The following PAK1 variants were observed in gnomAD, a reference collection of about 807,000 sequenced individuals.
PAK1 encodes the protein serine/threonine-protein kinase PAK 1.
In PAK1, 29 loss-of-function variants were observed where a neutral mutation model predicts 67.4. That is an observed-to-expected ratio of 0.43 (90% CI 0.32 to 0.59). The LOEUF (loss-of-function observed/expected upper bound fraction) is 0.59, where lower values mean the gene tolerates loss of function less well. PAK1 is among the 20% of genes least tolerant of loss of function. The pLI, the probability that PAK1 is intolerant of heterozygous loss-of-function variation, is 0.07. For synonymous variants in PAK1, 223 were observed against 237.4 expected (o/e 0.94, Z 0.56); for missense variants, 337 against 670.7 (o/e 0.50, Z 5.50).
chr11:77,356,986 G>C (rs1176862550), intron 6 of PAK1, among the ~76,000 whole-genome samples: 1 of 152,088 alleles, frequency 6.6e-6, no homozygotes, highest in Non-Finnish European at 1.5e-5. Context: ...ACAGTATAAG[G>C]ACAGGGAATG....
chr11:77,350,367 G>A (rs1945068415), intron 8 of PAK1, among the ~76,000 whole-genome samples: 1 of 152,136 alleles, frequency 6.6e-6, no homozygotes, highest in Non-Finnish European at 1.5e-5. Flanking sequence ...ACATATGTAT[G>A]TTAAGTATAT....
chr11:77,490,749 T>C, the PAK1 span, among the ~76,000 whole-genome samples: 1 of 152,182 alleles, frequency 6.6e-6, no homozygotes, highest in African/African-American at 2.4e-5. Context: ...TAGAAAGAAG[T>C]AGACATGGGA....
chr11:77,453,120 C>T (rs955181552), intron 1 of PAK1, among the ~76,000 whole-genome samples: 5 of 151,922 alleles, frequency 3.3e-5, no homozygotes, highest in African/African-American at 7.3e-5. Flanking sequence ...TTCAGGAGGC[C>T]GAGGCAAGCA....
chr11:77,463,684 T>C (rs910183834), intron 1 of PAK1, among the ~76,000 whole-genome samples: 13 of 152,234 alleles, frequency 8.5e-5, no homozygotes, highest in Admixed American at 2.0e-4. Flanking sequence ...ACTTTGGCAA[T>C]TACTGTCTCC....
the PAK1 span, among the ~76,000 whole-genome samples, chr11:77,508,113 C>A: frequency 1.3e-5 from 2 of 152,144 alleles, no homozygotes; most frequent in African/African-American, 4.8e-5. Context: ...GTATGTGTTA[C>A]TTTGTGTCTG....
chr11:77,515,687 T>A, the PAK1 span, among the ~76,000 whole-genome samples: 3 of 152,246 alleles, frequency 2.0e-5, no homozygotes, highest in African/African-American at 7.2e-5. Flanking sequence ...TGTCTCCTCC[T>A]TCAACATTTG....
chr11:77,451,752 C>T (rs1592525667), intron 1 of PAK1, among the ~76,000 whole-genome samples: 1 of 150,690 alleles, frequency 6.6e-6, no homozygotes, highest in South Asian at 2.1e-4. Flanking sequence ...GGCGCCACCA[C>T]CACGCCCGGC....
intron 8 of PAK1, 62 bp downstream of exon 8, chr11:77,353,474 A>C: frequency 8.1e-7 from 1 of 1,235,556 alleles, no homozygotes; most frequent in Non-Finnish European, 1.2e-6. Context: ...AAGCAAAATC[A>C]TATATGCCGG....
At chr11:77,351,012 T>C (rs1473149208) in intron 8 of PAK1, among the ~76,000 whole-genome samples, 1 of 152,158 alleles carries the variant, frequency 6.6e-6, no homozygotes, top group East Asian at 1.9e-4. Flanking sequence ...GGCCCACTGC[T>C]TAATACCTAT....
chr11:77,419,309 A>G (rs1409305469), intron 1 of PAK1, among the ~76,000 whole-genome samples: 3 of 152,210 alleles, frequency 2.0e-5, no homozygotes, highest in Non-Finnish European at 4.4e-5. Flanking sequence ...TTAGCAGTTA[A>G]CATGTTTTAA....
intron 1 of PAK1, among the ~76,000 whole-genome samples, chr11:77,434,264 TA>T (rs1956004448): frequency 1.3e-5 from 2 of 151,996 alleles, no homozygotes; most frequent in Admixed American, 6.5e-5. Flanking sequence ...AAGGAATAAA[TA>T]AAATGTGGCA....
At chr11:77,379,195 T>A (rs1949501163) in intron 4 of PAK1, 46 bp downstream of exon 4, 1 of 1,512,626 alleles carries the variant, frequency 6.6e-7, no homozygotes. Context: ...CCCACCCAGA[T>A]TAAAACCATC....
chr11:77,355,914 G>A, intron 6 of PAK1, 72 bp from the exon 7 acceptor site: 1 of 927,344 alleles, frequency 1.1e-6, no homozygotes. Flanking sequence ...TAGATGTGAG[G>A]TTAGAACATC....
At chr11:77,455,763 A>G (rs1957053583) in intron 1 of PAK1, 1 of 152,172 alleles carries the variant, frequency 6.6e-6, no homozygotes, top group Non-Finnish European at 1.5e-5. Flanking sequence ...CTTTCCTACC[A>G]TGTCTTTGCA....
the PAK1 span, among the ~76,000 whole-genome samples, chr11:77,485,774 C>G: frequency 6.6e-6 from 1 of 152,156 alleles, no homozygotes; most frequent in South Asian, 2.1e-4. Context: ...CATGCCTGGC[C>G]TAAACTTCTT....
At chr11:77,367,795 G>A (rs1947808836) in intron 5 of PAK1, among the ~76,000 whole-genome samples, 1 of 152,124 alleles carries the variant, frequency 6.6e-6, no homozygotes, top group Non-Finnish European at 1.5e-5. Flanking sequence ...TGGCCAACAT[G>A]GTGAAACCCC....
intron 1 of PAK1, among the ~76,000 whole-genome samples, chr11:77,414,606 TTAAC>T (rs765940216): frequency 5.9e-5 from 9 of 152,140 alleles, no homozygotes; most frequent in Non-Finnish European, 1.3e-4. Context: ...ACAAATGTGG[TTAAC>T]TGACTGTAAA....
chr11:77,343,257 C>A (rs1192372853), intron 10 of PAK1, among the ~76,000 whole-genome samples: 2 of 43,454 alleles, frequency 4.6e-5, no homozygotes, highest in African/African-American at 2.1e-4. Context: ...TTAATGCAAG[C>A]TTACGTAAAA....
chr11:77,525,560 G>A, the PAK1 span, among the ~76,000 whole-genome samples: 1 of 152,120 alleles, frequency 6.6e-6, no homozygotes, highest in Admixed American at 6.5e-5. Context: ...CATCATGAAT[G>A]ACATCACCTT....
Sources: gnomAD v4.1 joint callset for allele counts (sites outside exome capture counted in the v4.1 genomes callset) on GRCh38, gnomAD v4.1.1 for gene constraint, MANE v1.5 for transcripts, NCBI Gene and HGNC (gene_info 2026-07-23, HGNC 2026-07-21) for gene names.